CNTN5: variants seen among roughly 807,000 people sequenced by gnomAD.
The protein encoded by CNTN5 is contactin 5.
Under a neutral mutation model 129.1 loss-of-function variants are expected in CNTN5, and 77 were observed. The ratio of observed to expected loss-of-function variants is 0.60; its 90% CI spans 0.50 to 0.72. The LOEUF (loss-of-function observed/expected upper bound fraction) is 0.72. Among genes scored for constraint, CNTN5 ranks in the 30% least tolerant of loss-of-function variants. The pLI, the probability that CNTN5 is intolerant of heterozygous loss-of-function variation, is 0.00. For synonymous variants in CNTN5, 509 were observed against 465.6 expected (o/e 1.09, Z -1.20); for missense variants, 1,478 against 1,328.8 (o/e 1.11, Z -1.75).
chr11:99,315,785 A>G (rs887762029), intron 1 of CNTN5, among the ~76,000 whole-genome samples: 2 of 149,206 alleles, frequency 1.3e-5, no homozygotes, highest in African/African-American at 4.9e-5. Context: ...GACAGGGATT[A>G]CACAGGGATT....
At chr11:100,317,128 T>C (rs1951586975) in intron 21 of CNTN5, among the ~76,000 whole-genome samples, 1 of 152,224 alleles carries the variant, frequency 6.6e-6, no homozygotes, top group Admixed American at 6.5e-5. Context: ...CTATAAAAGA[T>C]GTCGTGGTGG....
chr11:100,185,372 TC>T, intron 13 of CNTN5, among the ~76,000 whole-genome samples: 1 of 152,218 alleles, frequency 6.6e-6, no homozygotes, highest in South Asian at 2.1e-4. Context: ...AGATTCATTC[TC>T]CACCCTTCAG....
At chr11:100,273,114 C>T (rs556523005) in intron 18 of CNTN5, among the ~76,000 whole-genome samples, 6 of 152,198 alleles carry the variant, frequency 3.9e-5, no homozygotes, top group African/African-American at 1.2e-4. Context: ...GGCCTCTCCC[C>T]GAGCCTCAGT....
chr11:99,416,187 A>G (rs1591648337), intron 2 of CNTN5, among the ~76,000 whole-genome samples: 1 of 152,300 alleles, frequency 6.6e-6, no homozygotes, highest in South Asian at 2.1e-4. Flanking sequence ...TGTTTCTTGG[A>G]CAGCCTAATT....
At chr11:99,729,811 C>A (rs1250000223) in intron 3 of CNTN5, among the ~76,000 whole-genome samples, 4 of 152,116 alleles carry the variant, frequency 2.6e-5, no homozygotes, top group Non-Finnish European at 5.9e-5. Flanking sequence ...AAAAAACAAA[C>A]ACTGCATGTT....
At position 99,902,493 on chromosome 11, in the gene CNTN5, T is replaced by C. The variant is rs1012996769; in HGVS notation, c.578-13561T>C. 5.3e-5 allele frequency among the ~76,000 whole-genome samples: 8 copies of C among 152,124 alleles called. No homozygotes were observed. The East Asian group carries it at 1.4e-3, about 26-fold the overall frequency. ...CATAGTTGATTTACAGAAAAAAATGTATCACTAGTAAATAGACATATTAGT... is the reference window on the plus strand; with the variant it reads ...CATAGTTGATTTACAGAAAAAAATGCATCACTAGTAAATAGACATATTAGT... On this transcript the variant is annotated intron_variant, in intron 6 of 24. Transcript: ENST00000524871.
chr11:99,057,816 G>GTGTA (rs1374518298), intron 1 of CNTN5, among the ~76,000 whole-genome samples: 3 of 150,812 alleles, frequency 2.0e-5, no homozygotes, highest in Non-Finnish European at 4.4e-5. Flanking sequence ...GTGTGTGTGT[G>GTGTA]TATGGTCATA....
chr11:99,710,052 T>C (rs1016076703), intron 3 of CNTN5, among the ~76,000 whole-genome samples: 1 of 151,856 alleles, frequency 6.6e-6, no homozygotes, highest in African/African-American at 2.4e-5. Flanking sequence ...TTTATTGTGC[T>C]ATTAGTATTT....
intron 2 of CNTN5, among the ~76,000 whole-genome samples, chr11:99,347,579 A>G (rs1260461231): frequency 6.6e-6 from 1 of 152,172 alleles, no homozygotes; most frequent in South Asian, 2.1e-4. Flanking sequence ...CCCACTTTTC[A>G]TGAGTCTGAC....
At chr11:99,622,900 C>T (rs966197873) in intron 3 of CNTN5, among the ~76,000 whole-genome samples, 3 of 151,692 alleles carry the variant, frequency 2.0e-5, no homozygotes, top group African/African-American at 4.8e-5. Context: ...GCTCTCCAAA[C>T]ATAACCCTCC....
intron 2 of CNTN5, among the ~76,000 whole-genome samples, chr11:99,424,982 A>T (rs1316131379): frequency 6.6e-6 from 1 of 152,148 alleles, no homozygotes; most frequent in Non-Finnish European, 1.5e-5. Flanking sequence ...ATGAGTGTAC[A>T]ACTCTTAGCA....
intron 3 of CNTN5, among the ~76,000 whole-genome samples, chr11:99,567,560 C>T (rs1949046647): frequency 6.6e-6 from 1 of 151,928 alleles, no homozygotes. Flanking sequence ...TTGTCACTGC[C>T]AGTTAGTGCT....
At chr11:100,051,886 C>G (rs1048443816) in intron 9 of CNTN5, among the ~76,000 whole-genome samples, 11 of 151,678 alleles carry the variant, frequency 7.3e-5, no homozygotes, top group Admixed American at 2.6e-4. Context: ...ATAACTGGCA[C>G]AAGTAGAAAC....
chr11:99,593,757 C>G (rs1950046064), intron 3 of CNTN5, among the ~76,000 whole-genome samples: 1 of 152,204 alleles, frequency 6.6e-6, no homozygotes, highest in South Asian at 2.1e-4. Flanking sequence ...TCTCCTTCTT[C>G]TGTGTTTACA....
intron 6 of CNTN5, among the ~76,000 whole-genome samples, chr11:99,847,800 G>A (rs985660227): frequency 6.6e-6 from 1 of 152,112 alleles, no homozygotes; most frequent in Non-Finnish European, 1.5e-5. Flanking sequence ...TATAGGATTC[G>A]GGGACTCAGA....
chr11:99,030,907 A>G (rs1863343890), intron 1 of CNTN5, among the ~76,000 whole-genome samples: 1 of 150,976 alleles, frequency 6.6e-6, no homozygotes, highest in African/African-American at 2.4e-5. Flanking sequence ...CAGCCTCCCG[A>G]GTAGCTGCGA....
chr11:99,787,856 A>G (rs759285478), intron 3 of CNTN5, among the ~76,000 whole-genome samples: 6 of 151,988 alleles, frequency 3.9e-5, no homozygotes, highest in African/African-American at 7.2e-5. Context: ...TTCTCCTTAT[A>G]CCATTGCCAA....
chr11:99,791,365 T>C (rs1269298531), intron 3 of CNTN5, among the ~76,000 whole-genome samples: 1 of 152,210 alleles, frequency 6.6e-6, no homozygotes, highest in African/African-American at 2.4e-5. Context: ...TGCATATGGC[T>C]AGCAGGTTAT....
chr11:100,058,606 C>A (rs75744856), intron 9 of CNTN5, among the ~76,000 whole-genome samples: 24,616 of 152,030 alleles, frequency 0.16, 2,261 homozygotes, highest in South Asian at 0.27. Flanking sequence ...CCTACACCAA[C>A]AAGCAAAAAT....
Sources: gnomAD v4.1 joint callset for allele counts (sites outside exome capture counted in the v4.1 genomes callset) on GRCh38, gnomAD v4.1.1 for gene constraint, MANE v1.5 for transcripts, NCBI Gene and HGNC (gene_info 2026-07-23, HGNC 2026-07-21) for gene names.